LRP1B: variants seen among roughly 807,000 people sequenced by gnomAD.
The protein encoded by LRP1B is low-density lipoprotein receptor-related protein 1B.
Under a neutral mutation model 556.6 loss-of-function variants are expected in LRP1B, and 217 were observed. The observed-to-expected ratio is 0.39, with a 90% CI of 0.35 to 0.44. The LOEUF is 0.44. Among genes scored for constraint, LRP1B ranks in the 20% least tolerant of loss-of-function variants. LRP1B has a pLI of 1.00. For synonymous variants in LRP1B, 2,047 were observed against 1,865.8 expected, an observed-to-expected ratio of 1.10 and a Z score of -2.50; for missense variants, 5,053 against 5,620.8, an observed-to-expected ratio of 0.90 and a Z score of 3.23.
At chr2:141,706,983 C>G (rs1452644273) in intron 2 of LRP1B, among the ~76,000 whole-genome samples, 1 of 152,070 alleles carries the variant, frequency 6.6e-6, no homozygotes, top group African/African-American at 2.4e-5. Context: ...ATTTATTCCT[C>G]TATCTCCTTA....
At chr2:140,851,093 T>C (rs1056615565) in intron 28 of LRP1B, among the ~76,000 whole-genome samples, 2 of 152,122 alleles carry the variant, frequency 1.3e-5, no homozygotes, top group Non-Finnish European at 2.9e-5. Context: ...ATAAATAAAA[T>C]TATTAATAGA....
In LRP1B at chr2:140,360,116, T is replaced by C. The variant is rs182596838; in HGVS notation, c.11132-1170A>G. On this transcript the variant is annotated intron_variant, in intron 72 of 90. Transcript: ENST00000389484. ...AGCCATGAGAAAAATCAGTTTAACA[T>C]ATTCATGTAACCATTTATTCTACAT... Among the ~76,000 whole-genome samples the C allele has an allele frequency of 6.2e-4, 94 of 151,804 alleles. 1 individual carries two copies. The highest frequency in any genetic ancestry group is 2.2e-3 in the African/African-American group (91 of 41,508).
intron 43 of LRP1B, among the ~76,000 whole-genome samples, chr2:140,566,877 A>G (rs1252897020): frequency 1.3e-5 from 2 of 152,146 alleles, no homozygotes; most frequent in African/African-American, 2.4e-5. Flanking sequence ...ACCCACAGTG[A>G]TCATGCACAA....
chr2:141,308,165 G>C (rs923512743), intron 3 of LRP1B, among the ~76,000 whole-genome samples: 8 of 152,186 alleles, frequency 5.3e-5, no homozygotes, highest in Non-Finnish European at 7.3e-5. Flanking sequence ...CAGAGTTAAT[G>C]AGATGCAAAT....
Position 140,685,350 on chromosome 2 carries a change from G to A in LRP1B, c.6799+14900C>T, listed in dbSNP as rs953608300. Among the ~76,000 whole-genome samples the A allele has an allele frequency of 7.9e-5, 12 of 152,080 alleles. 1 individual carries two copies. The highest frequency in any genetic ancestry group is 4.6e-4 in the Admixed American group (7 of 15,264). ...GTGCCAATTTATTACTAAGTCCTAG[G>A]CCTTGTTCCAACCAGCATTTATTAA... is the stretch of plus-strand genomic sequence containing the variant. On this transcript the variant is annotated intron_variant, in intron 41 of 90. Coordinates refer to ENST00000389484, the MANE Select transcript of LRP1B (RefSeq NM_018557.3).
chr2:141,767,068 A>G (rs1369468308), intron 2 of LRP1B, among the ~76,000 whole-genome samples: 2 of 152,148 alleles, frequency 1.3e-5, no homozygotes, highest in Non-Finnish European at 2.9e-5. Context: ...AAAATCTCCT[A>G]GAGATAGGCT....
intron 35 of LRP1B, among the ~76,000 whole-genome samples, chr2:140,748,514 A>G (rs1688427313): frequency 2.8e-5 from 3 of 108,922 alleles, no homozygotes; most frequent in South Asian, 2.9e-4. Context: ...AGCTCTTGGT[A>G]TCACATCTGG....
At chr2:140,879,635 CA>C (rs1559171708) in intron 25 of LRP1B, among the ~76,000 whole-genome samples, 1 of 152,036 alleles carries the variant, frequency 6.6e-6, no homozygotes, top group East Asian at 1.9e-4. Flanking sequence ...GCTATTTTAA[CA>C]GAATCATTTT....
intron 2 of LRP1B, among the ~76,000 whole-genome samples, chr2:141,538,276 T>C (rs1455506318): frequency 1.3e-5 from 2 of 152,146 alleles, no homozygotes; most frequent in African/African-American, 2.4e-5. Context: ...AAATGTATGA[T>C]ATAATAATTT....
chr2:141,760,153 A>C (rs901674792), intron 2 of LRP1B, among the ~76,000 whole-genome samples: 1 of 152,196 alleles, frequency 6.6e-6, no homozygotes, highest in Non-Finnish European at 1.5e-5. Flanking sequence ...TCATGTGTTA[A>C]TGCAAAAATA....
At chr2:140,481,599 ATT>A (rs772638142) in intron 59 of LRP1B, among the ~76,000 whole-genome samples, 1 of 143,404 alleles carries the variant, frequency 7.0e-6, no homozygotes, top group African/African-American at 2.5e-5. Context: ...TATTATTATT[ATT>A]ATTATTATTA....
At chr2:141,299,443 T>A (rs949857601) in intron 3 of LRP1B, among the ~76,000 whole-genome samples, 28 of 152,212 alleles carry the variant, frequency 1.8e-4, no homozygotes, top group African/African-American at 6.0e-4. Flanking sequence ...TGTGTGACCA[T>A]CTCTAAGAAC....
intron 6 of LRP1B, among the ~76,000 whole-genome samples, chr2:141,208,967 C>T (rs1386723503): frequency 1.7e-5 from 2 of 119,388 alleles, no homozygotes; most frequent in African/African-American, 6.5e-5. Context: ...GCCTTTAAAA[C>T]AATATTATCA....
intron 35 of LRP1B, among the ~76,000 whole-genome samples, chr2:140,730,962 C>T (rs534820242): frequency 2.6e-5 from 4 of 152,252 alleles, no homozygotes; most frequent in African/African-American, 9.6e-5. Flanking sequence ...CGCTTTCCTG[C>T]CTCCATCTTG....
At chr2:141,709,889 G>A (rs1350150091) in intron 2 of LRP1B, among the ~76,000 whole-genome samples, 3 of 152,122 alleles carry the variant, frequency 2.0e-5, no homozygotes, top group African/African-American at 4.8e-5. Context: ...GGAAGTGCAA[G>A]ATCAAGATAC....
chr2:140,311,778 TAAATA>T (rs1438411739), intron 83 of LRP1B, among the ~76,000 whole-genome samples: 136 of 152,036 alleles, frequency 8.9e-4, no homozygotes, highest in Non-Finnish European at 1.8e-3. Context: ...AAGATTGATT[TAAATA>T]TCTTCATTTA....
chr2:141,279,145 G>A (rs1445756924), intron 3 of LRP1B, among the ~76,000 whole-genome samples: 1 of 151,900 alleles, frequency 6.6e-6, no homozygotes, highest in Non-Finnish European at 1.5e-5. Flanking sequence ...TTGGGGGATA[G>A]TAGGTATCTT....
At chr2:140,587,040 T>C (rs569030098) in intron 43 of LRP1B, among the ~76,000 whole-genome samples, 108 of 152,244 alleles carry the variant, frequency 7.1e-4, no homozygotes, top group African/African-American at 2.5e-3. Context: ...ATGGAAATTT[T>C]AGAACTGAAC....
At chr2:141,471,287 T>TTTTTTTTTTTTG (rs1682463035) in intron 3 of LRP1B, among the ~76,000 whole-genome samples, 3 of 68,070 alleles carry the variant, frequency 4.4e-5, no homozygotes, top group African/African-American at 1.4e-4. Flanking sequence ...TTTTTTTTTT[T>TTTTTTTTTTTTG]TTTTTTTACT....
Sources: gnomAD v4.1 joint callset for allele counts (sites outside exome capture counted in the v4.1 genomes callset) on GRCh38, gnomAD v4.1.1 for gene constraint, MANE v1.5 for transcripts, NCBI Gene and HGNC (gene_info 2026-07-23, HGNC 2026-07-21) for gene names.